The following KCNQ5 variants were observed in gnomAD, a reference collection of about 807,000 sequenced individuals.
KCNQ5 encodes the protein potassium voltage-gated channel subfamily Q member 5.
In KCNQ5, 30 loss-of-function variants were observed where a neutral mutation model predicts 98.2. The ratio of observed to expected loss-of-function variants is 0.31; its 90% CI spans 0.23 to 0.41. KCNQ5 has a LOEUF of 0.41. KCNQ5 is among the 10% of genes least tolerant of loss of function. The pLI is 1.00. For synonymous variants in KCNQ5, 458 were observed against 449.4 expected, an observed-to-expected ratio of 1.02 and a Z score of -0.24; for missense variants, 835 against 1,182.5, an observed-to-expected ratio of 0.71 and a Z score of 4.31.
chr6:72,722,247 T>C (rs1043121702), intron 1 of KCNQ5, among the ~76,000 whole-genome samples: 1 of 152,236 alleles, frequency 6.6e-6, no homozygotes, highest in Non-Finnish European at 1.5e-5. Context: ...CAAGGCATAC[T>C]GTCCCTTTGC....
At chr6:73,058,687 A>G (rs904057243) in intron 3 of KCNQ5, among the ~76,000 whole-genome samples, 2 of 152,234 alleles carry the variant, frequency 1.3e-5, no homozygotes, top group Admixed American at 6.5e-5. Flanking sequence ...ATTATCCGGA[A>G]TCTGTAAGGA....
chr6:72,661,729 G>T (rs147582182), intron 1 of KCNQ5, among the ~76,000 whole-genome samples: 1 of 152,142 alleles, frequency 6.6e-6, no homozygotes, highest in Non-Finnish European at 1.5e-5. Context: ...AACTAGTTTC[G>T]TTGGCTTGTT....
At chr6:72,780,849 TC>T (rs1371506258) in intron 1 of KCNQ5, among the ~76,000 whole-genome samples, 1 of 152,172 alleles carries the variant, frequency 6.6e-6, no homozygotes, top group Non-Finnish European at 1.5e-5. Flanking sequence ...TTACTCTGGA[TC>T]AGGCACTATG....
intron 1 of KCNQ5, among the ~76,000 whole-genome samples, chr6:72,704,554 G>A (rs1768980467): frequency 1.3e-5 from 2 of 151,814 alleles, no homozygotes; most frequent in Non-Finnish European, 2.9e-5. Flanking sequence ...AAAATCACAT[G>A]TAGAATGACA....
chr6:72,890,295 G>A (rs761217586), intron 1 of KCNQ5, among the ~76,000 whole-genome samples: 4 of 150,176 alleles, frequency 2.7e-5, no homozygotes, highest in South Asian at 2.1e-4. Context: ...TGTGATAAGA[G>A]CAAGTAACAT....
intron 1 of KCNQ5, among the ~76,000 whole-genome samples, chr6:72,751,069 A>T (rs1421581049): frequency 6.6e-6 from 1 of 152,106 alleles, no homozygotes; most frequent in Non-Finnish European, 1.5e-5. Flanking sequence ...ATTTGGCTAA[A>T]GAGAAAAATC....
At chr6:72,787,483 T>C (rs1307672784) in intron 1 of KCNQ5, among the ~76,000 whole-genome samples, 2 of 152,048 alleles carry the variant, frequency 1.3e-5, no homozygotes, top group East Asian at 3.9e-4. Flanking sequence ...TATTCAGCAC[T>C]ACTCTCAAGT....
intron 1 of KCNQ5, among the ~76,000 whole-genome samples, chr6:72,814,529 CAT>C (rs1420456580): frequency 6.6e-6 from 1 of 152,202 alleles, no homozygotes; most frequent in Non-Finnish European, 1.5e-5. Flanking sequence ...ATTTTTGCAT[CAT>C]ATGTCTTTTG....
intron 1 of KCNQ5, among the ~76,000 whole-genome samples, chr6:72,848,293 C>G (rs1329469229): frequency 6.6e-6 from 1 of 151,890 alleles, no homozygotes; most frequent in African/African-American, 2.4e-5. Context: ...ATCTATCAAC[C>G]CATCATTTGG....
At chr6:72,698,015 A>G (rs539146706) in intron 1 of KCNQ5, among the ~76,000 whole-genome samples, 11 of 152,194 alleles carry the variant, frequency 7.2e-5, no homozygotes, top group Non-Finnish European at 1.2e-4. Context: ...CACTAGTTCA[A>G]TACCAGCCTG....
chr6:73,035,104 G>C (rs1306919278), intron 2 of KCNQ5, among the ~76,000 whole-genome samples: 1 of 151,828 alleles, frequency 6.6e-6, no homozygotes, highest in African/African-American at 2.4e-5. Context: ...CTCGGCTTCC[G>C]AAAGCGCTGG....
chr6:73,174,599 C>T (rs1778144687), intron 11 of KCNQ5, among the ~76,000 whole-genome samples: 1 of 152,144 alleles, frequency 6.6e-6, no homozygotes, highest in Admixed American at 6.5e-5. Context: ...AGCTGACAAA[C>T]GACTTTACAC....
intron 10 of KCNQ5, among the ~76,000 whole-genome samples, chr6:73,155,601 C>T (rs143832701): frequency 2.0e-3 from 309 of 152,202 alleles, no homozygotes; most frequent in African/African-American, 7.2e-3. Flanking sequence ...CCCAAGGCAA[C>T]CAGAGATGTT....
chr6:72,689,039 C>G (rs1046785954), intron 1 of KCNQ5, among the ~76,000 whole-genome samples: 1 of 152,146 alleles, frequency 6.6e-6, no homozygotes, highest in Non-Finnish European at 1.5e-5. Context: ...AACCTTAAGT[C>G]ATTAAATGTT....
intron 11 of KCNQ5, among the ~76,000 whole-genome samples, chr6:73,182,068 CT>C (rs1470186132): frequency 5.9e-5 from 9 of 152,198 alleles, no homozygotes; most frequent in African/African-American, 2.2e-4. Flanking sequence ...TCTTCTGCTT[CT>C]TCCCCAGGCC....
intron 1 of KCNQ5, among the ~76,000 whole-genome samples, chr6:72,751,198 T>C (rs1561959561): frequency 2.0e-5 from 3 of 151,914 alleles, no homozygotes; most frequent in Admixed American, 6.6e-5. Context: ...AATTTTTTTA[T>C]TGAAATACTG....
At chr6:73,150,846 G>C (rs1025293127) in intron 10 of KCNQ5, among the ~76,000 whole-genome samples, 41 of 151,570 alleles carry the variant, frequency 2.7e-4, no homozygotes, top group African/African-American at 7.5e-4. Context: ...GTGTGTGTGT[G>C]TGTGTATATC....
At chr6:73,155,687 A>G (rs539494690) in intron 10 of KCNQ5, among the ~76,000 whole-genome samples, 4 of 152,330 alleles carry the variant, frequency 2.6e-5, no homozygotes, top group Admixed American at 2.6e-4. Flanking sequence ...TTGGAAGGGA[A>G]TATACCAAAA....
chr6:72,950,916 C>T (rs1192415444), intron 1 of KCNQ5, among the ~76,000 whole-genome samples: 1 of 152,172 alleles, frequency 6.6e-6, no homozygotes, highest in Non-Finnish European at 1.5e-5. Context: ...AATCAAATTT[C>T]TATTAATAAT....
Sources: gnomAD v4.1 joint callset for allele counts (sites outside exome capture counted in the v4.1 genomes callset) on GRCh38, gnomAD v4.1.1 for gene constraint, MANE v1.5 for transcripts, NCBI Gene and HGNC (gene_info 2026-07-23, HGNC 2026-07-21) for gene names.